NET1: variants seen among roughly 807,000 people sequenced by gnomAD.
NET1 encodes neuroepithelial cell-transforming gene 1 protein.
Under a neutral mutation model 61.1 loss-of-function variants are expected in NET1, and 42 were observed. The observed-to-expected ratio is 0.69, with a 90% CI of 0.54 to 0.89. The LOEUF is 0.89. Ranked by LOEUF, NET1 falls within the 40% of genes least tolerant of loss-of-function variation. The probability of loss-of-function intolerance (pLI) is 0.00; values close to 1 mark genes in which losing one functional copy is unlikely to be tolerated. For missense variants in NET1, 654 were observed against 747.3 expected, an observed-to-expected ratio of 0.88 and a Z score of 1.46; for synonymous variants, 254 against 281.8, an observed-to-expected ratio of 0.90 and a Z score of 0.99.
At chr10:5,425,096 C>G (rs1832239016) in intron 1 of NET1, among the ~76,000 whole-genome samples, 1 of 152,140 alleles carries the variant, frequency 6.6e-6, no homozygotes, top group African/African-American at 2.4e-5. Flanking sequence ...CTTGCAGTTT[C>G]CAGAATGTAA....
intron 3 of NET1, among the ~76,000 whole-genome samples, chr10:5,445,736 C>T (rs992554758): frequency 2.6e-5 from 4 of 152,326 alleles, no homozygotes; most frequent in Non-Finnish European, 5.9e-5. Flanking sequence ...TCACTGGTCA[C>T]TGTCATTATT....
Position 5,415,962 on chromosome 10 carries a change from C to T in NET1, c.128+3142C>T, listed in dbSNP as rs1588421423. ...TTTTGGTGTCACATCCAAGAAATCACTGCTAAATCCATTGTTATGAATCCT... is the reference window on the plus strand; with the variant it reads ...TTTTGGTGTCACATCCAAGAAATCATTGCTAAATCCATTGTTATGAATCCT... On this transcript the variant is annotated intron_variant, in intron 1 of 11. Transcript: ENST00000355029. The surrounding 1 kb of genome is among the most constrained non-coding windows in gnomAD (Gnocchi z 4.7). 1.3e-5 allele frequency among the ~76,000 whole-genome samples: 2 copies of T among 152,314 alleles called. No homozygotes were observed. Among genetic ancestry groups the T allele is most frequent in the East Asian group, 1.9e-4 (1 of 5,190 alleles).
intron 3 of NET1, among the ~76,000 whole-genome samples, chr10:5,436,737 G>A (rs537360198): frequency 6.6e-6 from 1 of 152,194 alleles, no homozygotes; most frequent in South Asian, 2.1e-4. Context: ...TTAGAACCAT[G>A]ACAGGTAATT....
Position 5,455,065 on chromosome 10 carries a change from G to A in NET1, c.1144G>A (p.Glu382Lys), listed in dbSNP as rs1316600418. ...TGAAAAGCAGAGGGACCCCAGAATC[G>A]AAGCGAGCAAAGTGCTGCTGTGCCA... ...LDEKQRDPRI[E>K]ASKVLLCHGE... Residue 382 changes from glutamate to lysine, a missense_variant, in exon 10 of 12, where the codon GAA (glutamate) becomes AAA (lysine). Coordinates refer to ENST00000355029, the MANE Select transcript of NET1 (RefSeq NM_001047160.3). The surrounding 1 kb of genome is among the most constrained non-coding windows in gnomAD (Gnocchi z 6.5). 21 of 1,613,932 alleles carry A rather than the reference G, an allele frequency of 1.3e-5. No homozygotes were observed. Among genetic ancestry groups the A allele is most frequent in the Non-Finnish European group, 1.7e-5 (20 of 1,180,050 alleles).
chr10:5,415,085 TATTA>T lies in NET1; in HGVS notation c.128+2269_128+2272del, dbSNP rs1189875029. Reference sequence around the variant, plus strand: ...GAATACGTAAAATATTACAAGATAGTATTAATTGTGAGGCAAGAAGCAACTAAGC... The same window carrying T: ...GAATACGTAAAATATTACAAGATAGTATTGTGAGGCAAGAAGCAACTAAGC... On this transcript the variant is annotated intron_variant, in intron 1 of 11. Transcript: ENST00000355029. The surrounding 1 kb of genome is among the most constrained non-coding windows in gnomAD (Gnocchi z 4.7). 1.3e-5 allele frequency among the ~76,000 whole-genome samples: 2 copies of T among 152,158 alleles called. No homozygotes were observed. The highest frequency in any genetic ancestry group is 4.8e-5 in the African/African-American group (2 of 41,432).
chr10:5,432,566 A>T (rs114122937), intron 3 of NET1, among the ~76,000 whole-genome samples: 2,556 of 149,898 alleles, frequency 0.017, 87 homozygotes, highest in African/African-American at 0.059. Context: ...TTGGTTTTTA[A>T]AAAAAATTTT....
intron 3 of NET1, among the ~76,000 whole-genome samples, chr10:5,432,685 TCTACC>T (rs1280443944): frequency 2.6e-5 from 4 of 152,066 alleles, no homozygotes; most frequent in Non-Finnish European, 5.9e-5. Flanking sequence ...TCCTGACTCT[TCTACC>T]CTACTCACTC....
chr10:5,412,598 A>T lies in NET1; in HGVS notation c.-95A>T. ...GCGGTGGCGGCTGCAGTCCGCTGAC[A>T]GGCGCTTTCTGCCTGGCAGAGGCTG... On this transcript the variant is annotated 5_prime_UTR_variant, in exon 1 of 12. Coordinates refer to ENST00000355029, the MANE Select transcript of NET1 (RefSeq NM_001047160.3). The surrounding 1 kb of genome is among the most constrained non-coding windows in gnomAD (Gnocchi z 6.5). 1 of 1,330,220 alleles carries T rather than the reference A, an allele frequency of 7.5e-7. No homozygotes were observed. The allele number at this position is 1,330,220 out of a possible 1,614,324, so 82.4% of individuals were successfully genotyped here. A position where few individuals can be genotyped will look rare whatever the true frequency, so the allele number is the denominator to read the frequency against.
chr10:5,436,869 G>A (rs941763686), intron 3 of NET1, among the ~76,000 whole-genome samples: 2 of 152,102 alleles, frequency 1.3e-5, no homozygotes, highest in African/African-American at 4.8e-5. Flanking sequence ...ATTTCTACTG[G>A]TTGCCTTATA....
intron 3 of NET1, among the ~76,000 whole-genome samples, chr10:5,442,001 A>G (rs1395483598): frequency 2.6e-5 from 4 of 152,192 alleles, no homozygotes; most frequent in African/African-American, 9.6e-5. Flanking sequence ...TCTTATATTT[A>G]GAAAAAGTTC....
Position 5,412,917 on chromosome 10 carries a change from A to T in NET1, c.128+97A>T. The stretch of plus-strand genomic sequence containing the variant: ...TGTTGGAGAGGCAAGGGCCGGGGGG[A>T]GGGGAGGGCTGGCCGGGAGTTGGAT... On this transcript the variant is annotated intron_variant, in intron 1 of 11. Coordinates refer to ENST00000355029, the MANE Select transcript of NET1 (RefSeq NM_001047160.3). The surrounding 1 kb of genome is among the most constrained non-coding windows in gnomAD (Gnocchi z 6.5). 55 of 187,578 alleles carry T rather than the reference A, an allele frequency of 2.9e-4. No homozygotes were observed. Among genetic ancestry groups the T allele is most frequent in the South Asian group, 4.1e-4 (2 of 4,876 alleles). The allele number at this position is 187,578 out of a possible 1,614,324, so 11.6% of individuals were successfully genotyped here.
Position 5,426,529 on chromosome 10 carries a change from TTGAA to T in NET1, c.129-122_129-119del. The T allele has an allele frequency of 1.6e-6, 1 of 632,148 alleles. No homozygotes were observed. Among genetic ancestry groups the T allele is most frequent in the Non-Finnish European group, 2.7e-6 (1 of 365,346 alleles). The allele number at this position is 632,148 out of a possible 1,614,324, so 39.2% of individuals were successfully genotyped here. On this transcript the variant is annotated intron_variant, in intron 1 of 11. Coordinates refer to ENST00000355029, the MANE Select transcript of NET1 (RefSeq NM_001047160.3). The surrounding 1 kb of genome is among the most constrained non-coding windows in gnomAD (Gnocchi z 4.6). Reference sequence around the variant, plus strand: ...TAGACCATCTCTCATATTACTAAGATTGAATGACAAATCAGGCCACTTTAAACGG... The same window carrying T: ...TAGACCATCTCTCATATTACTAAGATTGACAAATCAGGCCACTTTAAACGG...
Position 5,454,518 on chromosome 10 carries a change from A to G in NET1, c.1022A>G (p.Asp341Gly), listed in dbSNP as rs545979388. 3 of 1,613,248 alleles carry G rather than the reference A, an allele frequency of 1.9e-6. No individual in the cohort carries two copies. Among genetic ancestry groups the G allele is most frequent in the African/African-American group, 2.7e-5 (2 of 74,928 alleles). The change falls in exon 9 of 12, where the codon GAT (aspartate) becomes GGT (glycine). Residue 341 changes from aspartate to glycine, a missense_variant. Coordinates refer to ENST00000355029, the MANE Select transcript of NET1 (RefSeq NM_001047160.3). This position sits in a 1 kb window ranked among gnomAD's most constrained non-coding sequence, Gnocchi z 8.1. ...CACCCTGATGTTCAGCTTCTGGAGG[A>G]TGCTGTAAGTAGTCCCTTAAGTGAT... Reference protein sequence around the residue: ...KEHPDVQLLEDAILIIQGVLS... With the variant: ...KEHPDVQLLEGAILIIQGVLS...
At chr10:5,428,861 T>C (rs1258662583) in intron 2 of NET1, among the ~76,000 whole-genome samples, 5 of 151,300 alleles carry the variant, frequency 3.3e-5, no homozygotes, top group Admixed American at 2.6e-4. Flanking sequence ...TAGCTGGGAC[T>C]ACAGGTGTGT....
At position 5,457,063 on chromosome 10, in the gene NET1, G is replaced by C; in HGVS notation, c.*69G>C. 7.0e-7 allele frequency: 1 copy of C among 1,437,436 alleles called. No individual in the cohort carries two copies. The highest frequency in any genetic ancestry group is 1.5e-5 in the South Asian group (1 of 65,462). The allele number at this position is 1,437,436 out of a possible 1,614,324, so 89.0% of individuals were successfully genotyped here. A position where few individuals can be genotyped will look rare whatever the true frequency, so the allele number is the denominator to read the frequency against. On this transcript the variant is annotated 3_prime_UTR_variant, in exon 12 of 12. Coordinates refer to ENST00000355029, the MANE Select transcript of NET1 (RefSeq NM_001047160.3). This position sits in a 1 kb window ranked among gnomAD's most constrained non-coding sequence, Gnocchi z 5.4. ...TAAATGTGTACAGTTTTGTTTTCTCGTAAGGGGAGCATCATAGGGTTACTT... is the reference window on the plus strand; with the variant it reads ...TAAATGTGTACAGTTTTGTTTTCTCCTAAGGGGAGCATCATAGGGTTACTT...
Position 5,446,773 on chromosome 10 carries a change from C to T in NET1, c.256-5057C>T. The T allele has an allele frequency of 2.5e-6, 4 of 1,603,458 alleles. No homozygotes were observed. In the East Asian group the frequency reaches 9.0e-5, roughly 36 times the overall value. ...AGGGAGTACTTGGGAAGCATGGTGG[C>T]ACATGATGAGACTGGAGGTCTCCTA... is the stretch of plus-strand genomic sequence containing the variant. On this transcript the variant is annotated intron_variant, in intron 3 of 11. Transcript: ENST00000355029. This position sits in a 1 kb window ranked among gnomAD's most constrained non-coding sequence, Gnocchi z 5.0.
Position 5,427,627 on chromosome 10 carries a change from G to A in NET1, c.195+906G>A, listed in dbSNP as rs1832277964. ...ATAATTTTCTGTATCTTCTGGGTAT[G>A]ACCTTGGGATCAGTAAAATATTTCT... On this transcript the variant is annotated intron_variant, in intron 2 of 11. Coordinates refer to ENST00000355029, the MANE Select transcript of NET1 (RefSeq NM_001047160.3). The surrounding 1 kb of genome is among the most constrained non-coding windows in gnomAD (Gnocchi z 4.1). 1.3e-5 allele frequency among the ~76,000 whole-genome samples: 2 copies of A among 152,136 alleles called. No individual in the cohort carries two copies. The highest frequency in any genetic ancestry group is 2.9e-5 in the Non-Finnish European group (2 of 68,000).
Position 5,417,774 on chromosome 10 carries a change from A to G in NET1, c.128+4954A>G, listed in dbSNP as rs371601277. Among the ~76,000 whole-genome samples, 16 of 152,296 alleles carry G rather than the reference A, an allele frequency of 1.1e-4. No individual in the cohort carries two copies. The East Asian group carries it at 1.2e-3, about 11-fold the overall frequency. On this transcript the variant is annotated intron_variant, in intron 1 of 11. Coordinates refer to ENST00000355029, the MANE Select transcript of NET1 (RefSeq NM_001047160.3). This position sits in a 1 kb window ranked among gnomAD's most constrained non-coding sequence, Gnocchi z 5.5. ...TCTGATCTTAAGGGGAAAGCATACA[A>G]TCTTTCACCATTAAGTATGATGTTA...
In NET1 at chr10:5,457,254, A is replaced by G. The variant is rs2119220944; in HGVS notation, c.*260A>G. 7.4e-6 allele frequency: 2 copies of G among 272,052 alleles called. No individual in the cohort carries two copies. The highest frequency in any genetic ancestry group is 1.4e-5 in the Non-Finnish European group (2 of 146,740). The allele number at this position is 272,052 out of a possible 1,614,324, so 16.9% of individuals were successfully genotyped here. ...GCCTGGTATTTTTTAATCAAACAAA[A>G]TATTTATGAAATGGGTTTTCTCTTA... On this transcript the variant is annotated 3_prime_UTR_variant, in exon 12 of 12. Coordinates refer to ENST00000355029, the MANE Select transcript of NET1 (RefSeq NM_001047160.3). The surrounding 1 kb of genome is among the most constrained non-coding windows in gnomAD (Gnocchi z 5.4).
Sources: gnomAD v4.1 joint callset for allele counts (sites outside exome capture counted in the v4.1 genomes callset) on GRCh38, gnomAD v4.1.1 for gene constraint, Gnocchi (gnomAD v3.1) non-coding constraint, MANE v1.5 for transcripts, NCBI Gene and HGNC (gene_info 2026-07-23, HGNC 2026-07-21) for gene names.